DENND1C: variants seen among roughly 807,000 people sequenced by gnomAD.
The protein encoded by DENND1C is DENN domain containing 1C, also known as DENN domain-containing protein 1C.
A neutral mutation model predicts 87.9 loss-of-function variants in DENND1C; 64 were observed. The observed-to-expected ratio is 0.73, with a 90% CI of 0.60 to 0.90. The LOEUF is 0.90. Ranked by LOEUF, DENND1C falls within the 40% of genes least tolerant of loss-of-function variation. The pLI is 0.00. For synonymous variants in DENND1C, 384 were observed against 424.4 expected, an observed-to-expected ratio of 0.90 and a Z score of 1.17; for missense variants, 980 against 1,037.0, an observed-to-expected ratio of 0.95 and a Z score of 0.76.
In DENND1C at chr19:6,481,772, G is replaced by A; in HGVS notation, c.-77C>T. ...CCTGTGTATGCTGGGCCCCAAGCCG[G>A]CTCAGCTTCCTGTGTGGCTGAGAGA... On this transcript the variant is annotated 5_prime_UTR_variant, in exon 1 of 23. Coordinates refer to ENST00000381480, the MANE Select transcript of DENND1C (RefSeq NM_024898.4). 6.9e-7 allele frequency: 1 copy of A among 1,448,914 alleles called. No homozygotes were observed. The highest frequency in any genetic ancestry group is 2.8e-5 in the Admixed American group (1 of 35,388). 89.8% of individuals were successfully genotyped at this position (1,448,914 alleles called of 1,614,324 possible).
Position 6,467,493 on chromosome 19 carries a change from A to T in DENND1C, c.*11T>A. 1 of 1,567,328 alleles carries T rather than the reference A, an allele frequency of 6.4e-7. No homozygotes were observed. The highest frequency in any genetic ancestry group is 8.6e-7 in the Non-Finnish European group (1 of 1,161,276). On this transcript the variant is annotated 3_prime_UTR_variant, in exon 23 of 23. Coordinates refer to ENST00000381480, the MANE Select transcript of DENND1C (RefSeq NM_024898.4). ...ATTGAGGGACTGGGGTCTCTCTTGG[A>T]CCCCTGATTCTTAACCCTCAAAGCA...
In DENND1C at chr19:6,467,826, G is replaced by T; in HGVS notation, c.2084C>A (p.Ala695Asp). ...GAGCCAGGGAGTGGGGTTTTCCTGG[G>T]CTGTAGAATCTTCAGCTGCCTTGTG... ...PSHKAAEDSTAQENPTPWLST... is the reference protein window; with the variant it reads ...PSHKAAEDSTDQENPTPWLST... The change falls in exon 23 of 23, where the codon GCC (alanine) becomes GAC (aspartate). Residue 695 changes from alanine to aspartate, a missense_variant. Transcript: ENST00000381480. 2 of 1,563,870 alleles carry T rather than the reference G, an allele frequency of 1.3e-6. No individual in the cohort carries two copies. Among genetic ancestry groups the T allele is most frequent in the Non-Finnish European group, 1.7e-6 (2 of 1,155,834 alleles).
At position 6,473,005 on chromosome 19, in the gene DENND1C, G is replaced by A. The variant is rs117140126; in HGVS notation, c.1054-12C>T. On this transcript the variant is annotated splice_polypyrimidine_tract_variant and intron_variant, in intron 14 of 22. Coordinates refer to ENST00000381480, the MANE Select transcript of DENND1C (RefSeq NM_024898.4). ...GTCACTGGCTGGCCCTGGAAGAAGC[G>A]TTGGAGTTCTGAGCTCCCTGGGGTG... 4.1e-3 allele frequency: 6,267 copies of A among 1,510,980 alleles called. 178 individuals carry two copies. In the East Asian group the frequency reaches 0.044, roughly 11 times the overall value. 93.6% of individuals were successfully genotyped at this position (1,510,980 alleles called of 1,614,324 possible).
chr19:6,478,665 C>T (rs2092877557), intron 6 of DENND1C, 118 bp downstream of exon 6: 1 of 1,229,156 alleles, frequency 8.1e-7, no homozygotes, highest in African/African-American at 1.5e-5. Flanking sequence ...AATGCAGGGA[C>T]TACAGGTGTG....
At chr19:6,469,904 G>A (rs1401101348) in intron 18 of DENND1C, 8 of 516,222 alleles carry the variant, frequency 1.5e-5, no homozygotes, top group Admixed American at 3.2e-5. Flanking sequence ...GTTTCAAAGC[G>A]GTGAAGAACA....
chr19:6,471,546 C>G (rs934169663), intron 15 of DENND1C, 50 bp from the exon 16 acceptor site: 15 of 1,466,814 alleles, frequency 1.0e-5, no homozygotes, highest in Non-Finnish European at 1.4e-5. Context: ...CATCTGAATG[C>G]CAGCACTTCG....
chr19:6,476,044 CA>C, intron 10 of DENND1C, 107 bp from the exon 11 acceptor site: 1 of 1,051,932 alleles, frequency 9.5e-7, no homozygotes, highest in Non-Finnish European at 1.4e-6. Context: ...CCTCCCCATC[CA>C]CTGCTGGATA....
At chr19:6,470,591 G>C (rs112008157) in intron 17 of DENND1C, among the ~76,000 whole-genome samples, 3 of 149,930 alleles carry the variant, frequency 2.0e-5, no homozygotes, top group Non-Finnish European at 4.4e-5. Context: ...TTTTTTTTGA[G>C]ATGGAGTCTC....
Position 6,475,406 on chromosome 19 carries a change from C to T in DENND1C, c.928-7G>A, listed in dbSNP as rs2092853137. 6.2e-7 allele frequency: 1 copy of T among 1,612,010 alleles called. No individual in the cohort carries two copies. On this transcript the variant is annotated splice_region_variant and splice_polypyrimidine_tract_variant and intron_variant, in intron 13 of 22. Coordinates refer to ENST00000381480, the MANE Select transcript of DENND1C (RefSeq NM_024898.4). ...GGAGCCTCAGCAGGGACACCTGAAG[C>T]ACAAGGGAGTGGCCCTGAGTGGGCA...
At chr19:6,469,774 C>T (rs2092817752) in intron 18 of DENND1C, 134 bp from the exon 19 acceptor site, 3 of 853,140 alleles carry the variant, frequency 3.5e-6, no homozygotes, top group Non-Finnish European at 5.7e-6. Context: ...ACCCCCCATA[C>T]ACCACCTAAG....
chr19:6,476,847 C>T lies in DENND1C; in HGVS notation c.678+10G>A. The T allele has an allele frequency of 1.9e-6, 3 of 1,608,132 alleles. No individual in the cohort carries two copies. Among genetic ancestry groups the T allele is most frequent in the Non-Finnish European group, 2.5e-6 (3 of 1,178,296 alleles). ...CTGCTCCCACCCCGGCCCGGCGGAC[C>T]CCGCCTCACGGTGCTGAGTTTGCTG... is the stretch of plus-strand genomic sequence containing the variant. On this transcript the variant is annotated intron_variant, in intron 10 of 22. Transcript: ENST00000381480.
intron 1 of DENND1C, chr19:6,480,277 G>A (rs1316359874): frequency 7.0e-7 from 1 of 1,427,896 alleles, no homozygotes; most frequent in South Asian, 1.4e-5. Context: ...GTGACTGTGT[G>A]TGTGTGGCTG....
chr19:6,477,259 C>T lies in DENND1C; in HGVS notation c.472G>A (p.Gly158Arg), dbSNP rs752207564. 1.5e-5 allele frequency: 24 copies of T among 1,584,666 alleles called. No individual in the cohort carries two copies. The Middle Eastern group carries it at 6.8e-4, about 45-fold the overall frequency. ...CGGGTAGGGGGGGGGATACCCTGCC[C>T]GCTGGAGACCGTCACTCCGCTGCCC... Reference protein sequence around the residue: ...ELGSGVTVSSGQGIPPPTRGN... With the variant: ...ELGSGVTVSSRQGIPPPTRGN... The change falls in exon 8 of 23, where the codon GGG becomes AGG. Residue 158 changes from glycine (G) to arginine (R), a missense_variant. Transcript: ENST00000381480.
Position 6,476,875 on chromosome 19 carries a change from G to A in DENND1C, c.660C>T (p.Thr220=), listed in dbSNP as rs771545184. 1.2e-6 allele frequency: 2 copies of A among 1,612,380 alleles called. No individual in the cohort carries two copies. Among genetic ancestry groups the A allele is most frequent in the African/African-American group, 2.7e-5 (2 of 74,880 alleles). ...GCCTCACGGTGCTGAGTTTGCTGGC[G>A]GTGAGCAGGACTCTTCTCTCGGCCA... is the stretch of plus-strand genomic sequence containing the variant. ...ALLAERRVLL[T]ASKLSTLTSC... The change falls in exon 10 of 23, where the codon ACC becomes ACT. Residue 220 remains threonine, a synonymous_variant. Transcript: ENST00000381480.
chr19:6,477,850 G>A (rs2092872020), intron 6 of DENND1C, among the ~76,000 whole-genome samples: 6 of 149,770 alleles, frequency 4.0e-5, no homozygotes, highest in Admixed American at 4.0e-4. Flanking sequence ...GATCACCTGA[G>A]GCCAGGAGTC....
intron 10 of DENND1C, chr19:6,476,569 A>C: frequency 2.8e-6 from 1 of 361,072 alleles, no homozygotes; most frequent in East Asian, 5.3e-5. Flanking sequence ...ATAAGTCCCT[A>C]GTTCTCAGTG....
intron 1 of DENND1C, chr19:6,480,447 A>G (rs1913475836): frequency 1.0e-6 from 1 of 984,820 alleles, no homozygotes; most frequent in Non-Finnish European, 1.2e-6. Flanking sequence ...AGCTAAGTGA[A>G]TTACATCTCT....
At position 6,472,949 on chromosome 19, in the gene DENND1C, C is replaced by T. The variant is rs2092837474; in HGVS notation, c.1098G>A (p.Lys366=). 3 of 1,590,048 alleles carry T rather than the reference C, an allele frequency of 1.9e-6. No homozygotes were observed. Among genetic ancestry groups the T allele is most frequent in the South Asian group, 2.3e-5 (2 of 87,028 alleles). The change falls in exon 15 of 23, where the codon AAG becomes AAA. Residue 366 remains lysine, a synonymous_variant. Coordinates refer to ENST00000381480, the MANE Select transcript of DENND1C (RefSeq NM_024898.4). Reference sequence around the variant, plus strand: ...GGAAGGCCTGCAGAGGTGCCCCAGGCTTCTGGGCCAAGAAGACTTCCTCAC... The same window carrying T: ...GGAAGGCCTGCAGAGGTGCCCCAGGTTTCTGGGCCAAGAAGACTTCCTCAC... The part of the protein sequence containing the change: ...TFSEEVFLAQ[K]PGAPLQAFHR...
intron 15 of DENND1C, among the ~76,000 whole-genome samples, chr19:6,471,976 TCTC>T (rs781738402): frequency 3.3e-5 from 5 of 152,090 alleles, no homozygotes; most frequent in African/African-American, 4.8e-5. Context: ...GATCCTACCT[TCTC>T]CTCCCTCCCC....
Sources: gnomAD v4.1 joint callset for allele counts (sites outside exome capture counted in the v4.1 genomes callset) on GRCh38, gnomAD v4.1.1 for gene constraint, MANE v1.5 for transcripts, NCBI Gene and HGNC (gene_info 2026-07-23, HGNC 2026-07-21) for gene names.